Variants in LRIG3 observed in about 807,000 individuals in gnomAD.
LRIG3 encodes leucine-rich repeats and immunoglobulin-like domains protein 3.
Under a neutral mutation model 114.5 loss-of-function variants are expected in LRIG3, and 76 were observed. That is an observed-to-expected ratio of 0.66 (90% CI 0.55 to 0.80). LRIG3 has a LOEUF of 0.80. Among genes scored for constraint, LRIG3 ranks in the 30% least tolerant of loss-of-function variants. LRIG3 has a pLI of 0.00. For missense variants in LRIG3, 1,239 were observed against 1,382.8 expected (o/e 0.90, Z 1.65); for synonymous variants, 512 against 519.8 (o/e 0.98, Z 0.20).
chr12:58,880,557 T>C, intron 13 of LRIG3, 24 bp downstream of exon 13: 1 of 1,600,990 alleles, frequency 6.2e-7, no homozygotes, highest in Non-Finnish European at 8.5e-7. Context: ...CTTTAAATGC[T>C]AAAGGAAAAG....
chr12:58,905,778 T>C (rs971704098), intron 3 of LRIG3, among the ~76,000 whole-genome samples: 3 of 152,190 alleles, frequency 2.0e-5, no homozygotes, highest in African/African-American at 7.2e-5. Flanking sequence ...CAAGATGCCC[T>C]ACACCGGCTT....
chr12:58,914,304 T>A lies in LRIG3; in HGVS notation c.269A>T (p.Lys90Met). 1 of 1,613,970 alleles carries A rather than the reference T, an allele frequency of 6.2e-7. No homozygotes were observed. The highest frequency in any genetic ancestry group is 8.5e-7 in the Non-Finnish European group (1 of 1,179,908). Residue 90 changes from lysine (K) to methionine (M), a missense_variant, in exon 2 of 19, where the codon AAG becomes ATG. By Grantham distance (95) the Lys-to-Met change is moderately conservative. Coordinates refer to ENST00000320743, the MANE Select transcript of LRIG3 (RefSeq NM_153377.5). ...DLSHNRLSFIKASSMSHLQSL... is the reference protein window; with the variant it reads ...DLSHNRLSFIMASSMSHLQSL... ...TTGAAGGTGGCTCATGGAACTTGCC[T>A]TGATGAAAGATAATCTGTTGTGACT...
At position 58,878,102 on chromosome 12, in the gene LRIG3, A is replaced by T. The variant is rs577255087; in HGVS notation, c.2084-250T>A. Among the ~76,000 whole-genome samples the T allele has an allele frequency of 4.6e-5, 7 of 152,282 alleles. No homozygotes were observed. The East Asian group carries it at 1.4e-3, about 29-fold the overall frequency. On this transcript the variant is annotated intron_variant, in intron 14 of 18. Coordinates refer to ENST00000320743, the MANE Select transcript of LRIG3 (RefSeq NM_153377.5). ...ATCTCAGCTTCCCTCACTTTTGCAA[A>T]AGTCGGGAAGCTGGTAGTAGGGGGG...
At chr12:58,873,224 G>C (rs1414141729) in intron 18 of LRIG3, among the ~76,000 whole-genome samples, 4 of 152,136 alleles carry the variant, frequency 2.6e-5, no homozygotes, top group African/African-American at 9.7e-5. Flanking sequence ...AAATAAACCT[G>C]TGTCCTGCCC....
chr12:58,915,473 G>C (rs1872444873), intron 1 of LRIG3, among the ~76,000 whole-genome samples: 1 of 152,088 alleles, frequency 6.6e-6, no homozygotes, highest in Non-Finnish European at 1.5e-5. Flanking sequence ...TCAGTGTTTA[G>C]TTAACAATTA....
At chr12:58,879,624 CG>C (rs1245331870) in intron 13 of LRIG3, among the ~76,000 whole-genome samples, 24 of 152,172 alleles carry the variant, frequency 1.6e-4, no homozygotes, top group Non-Finnish European at 3.1e-4. Flanking sequence ...TCTTCTACCA[CG>C]GCAGATACAG....
chr12:58,906,047 C>T (rs774830497), intron 3 of LRIG3, among the ~76,000 whole-genome samples: 3 of 152,130 alleles, frequency 2.0e-5, no homozygotes, highest in East Asian at 1.9e-4. Context: ...GGAGAGCACA[C>T]GTCCTAGATA....
intron 3 of LRIG3, among the ~76,000 whole-genome samples, chr12:58,912,801 C>A (rs1243798099): frequency 6.6e-6 from 1 of 152,162 alleles, no homozygotes; most frequent in East Asian, 1.9e-4. Flanking sequence ...AACCAGCACT[C>A]CATTTAGATT....
At chr12:58,884,417 A>G (rs1871209720) in intron 10 of LRIG3, among the ~76,000 whole-genome samples, 1 of 152,186 alleles carries the variant, frequency 6.6e-6, no homozygotes, top group Non-Finnish European at 1.5e-5. Context: ...GAAAGAAGGG[A>G]CCAGACATGG....
chr12:58,880,634 A>G lies in LRIG3; in HGVS notation c.1748T>C (p.Ile583Thr). ...FASEGKYQCV[I>T]SNHFGSSYSV... ...GTAGGATGAACCAAAGTGATTGGAG[A>G]TGACACACTGATATTTCCCCTCACT... The change falls in exon 13 of 19, where the codon ATC (isoleucine) becomes ACC (threonine). Residue 583 changes from isoleucine to threonine, a missense_variant. Ile to Thr is a moderately conservative substitution (Grantham distance 89). Coordinates refer to ENST00000320743, the MANE Select transcript of LRIG3 (RefSeq NM_153377.5). 1 of 1,614,216 alleles carries G rather than the reference A, an allele frequency of 6.2e-7. No homozygotes were observed. Among genetic ancestry groups the G allele is most frequent in the Non-Finnish European group, 8.5e-7 (1 of 1,180,030 alleles).
At chr12:58,905,058 G>A (rs1291053382) in intron 3 of LRIG3, among the ~76,000 whole-genome samples, 3 of 152,174 alleles carry the variant, frequency 2.0e-5, no homozygotes, top group East Asian at 1.9e-4. Flanking sequence ...CACAGGGCTG[G>A]AACAACCTGG....
chr12:58,886,258 CT>C (rs766438430), intron 9 of LRIG3, among the ~76,000 whole-genome samples: 1 of 151,976 alleles, frequency 6.6e-6, no homozygotes, highest in East Asian at 1.9e-4. Context: ...CCTTCCTCTC[CT>C]TCTCTGTGGA....
intron 3 of LRIG3, among the ~76,000 whole-genome samples, chr12:58,901,534 T>A (rs1045727797): frequency 6.6e-6 from 1 of 152,150 alleles, no homozygotes; most frequent in African/African-American, 2.4e-5. Context: ...AAGTGTTCAA[T>A]ATTCATGTGT....
chr12:58,915,065 T>C (rs2120990426), intron 1 of LRIG3, among the ~76,000 whole-genome samples: 1 of 152,332 alleles, frequency 6.6e-6, no homozygotes, highest in South Asian at 2.1e-4. Context: ...CCATAGAACA[T>C]CATTACTATT....
intron 3 of LRIG3, among the ~76,000 whole-genome samples, chr12:58,901,756 G>A (rs969846596): frequency 2.6e-5 from 4 of 152,140 alleles, no homozygotes; most frequent in African/African-American, 7.2e-5. Flanking sequence ...CACACAGAAC[G>A]ACAACAGGTA....
intron 1 of LRIG3, 188 bp from the exon 2 acceptor site, chr12:58,914,524 T>G (rs1258207383): frequency 3.6e-6 from 2 of 557,306 alleles, no homozygotes; most frequent in African/African-American, 3.8e-5. Flanking sequence ...AAAATTAGTT[T>G]AGGGAGACTG....
chr12:58,880,361 T>C lies in LRIG3; in HGVS notation c.1801+220A>G, dbSNP rs750811382. The stretch of plus-strand genomic sequence containing the variant: ...AAAACATGTCTGGTTCATCTCTGTG[T>C]TACTCACCACACTGAGTACGGTGTC... On this transcript the variant is annotated intron_variant, in intron 13 of 18. Coordinates refer to ENST00000320743, the MANE Select transcript of LRIG3 (RefSeq NM_153377.5). 50 of 692,634 alleles carry C rather than the reference T, an allele frequency of 7.2e-5. No homozygotes were observed. In the Admixed American group the frequency reaches 1.0e-3, roughly 14 times the overall value. The allele number at this position is 692,634 out of a possible 1,614,324, so 42.9% of individuals were successfully genotyped here.
At chr12:58,916,715 G>A (rs958475490) in intron 1 of LRIG3, among the ~76,000 whole-genome samples, 10 of 152,174 alleles carry the variant, frequency 6.6e-5, no homozygotes, top group African/African-American at 2.2e-4. Context: ...AGTAAGGTAC[G>A]GAAGTGTTAA....
intron 1 of LRIG3, among the ~76,000 whole-genome samples, chr12:58,916,291 T>C (rs1196554163): frequency 2.6e-5 from 4 of 152,152 alleles, no homozygotes; most frequent in Non-Finnish European, 5.9e-5. Context: ...GCTTGAAACT[T>C]TGAATATTTC....
Sources: allele counts gnomAD v4.1 joint callset (sites outside exome capture counted in the v4.1 genomes callset), GRCh38; gene constraint gnomAD v4.1.1; transcripts MANE v1.5; gene names NCBI Gene and HGNC (gene_info 2026-07-23, HGNC 2026-07-21).